The following POC1A variants were observed in gnomAD, a reference collection of about 807,000 sequenced individuals.
POC1A encodes the protein POC1 centriolar protein A, also known as POC1 centriolar protein homolog A.
A neutral mutation model predicts 47.8 loss-of-function variants in POC1A; 34 were observed. The observed-to-expected ratio is 0.71, with a 90% confidence interval of 0.54 to 0.95. The LOEUF (loss-of-function observed/expected upper bound fraction) is 0.95, where lower values mean the gene tolerates loss of function less well. POC1A is among the 40% of genes least tolerant of loss of function. The pLI is 0.00. For synonymous variants in POC1A, 177 were observed against 207.6 expected (o/e 0.85, Z 1.27); for missense variants, 466 against 528.3 (o/e 0.88, Z 1.16).
chr3:52,136,190 C>A (rs1365558017), intron 7 of POC1A, among the ~76,000 whole-genome samples: 5 of 152,114 alleles, frequency 3.3e-5, no homozygotes, highest in Non-Finnish European at 7.4e-5. Context: ...ACCCTTAAAA[C>A]TTGTGGTAAA....
intron 9 of POC1A, among the ~76,000 whole-genome samples, chr3:52,117,760 G>A (rs756737213): frequency 2.6e-5 from 4 of 151,860 alleles, no homozygotes; most frequent in East Asian, 1.9e-4. Context: ...CCCACCCAGC[G>A]CAACCTTTCT....
chr3:52,121,178 G>T (rs751556953), intron 9 of POC1A, among the ~76,000 whole-genome samples: 2 of 152,206 alleles, frequency 1.3e-5, no homozygotes, highest in Non-Finnish European at 2.9e-5. Flanking sequence ...AAAGGCCTTG[G>T]CTATGGCTCA....
chr3:52,145,969 G>C lies in POC1A; in HGVS notation c.564-8C>G, dbSNP rs778722284. ...TCCACATAGGTGACAAAGCTGGAAAGACAGGGGCCACTATGCACTATAGGA... is the reference window on the plus strand; with the variant it reads ...TCCACATAGGTGACAAAGCTGGAAACACAGGGGCCACTATGCACTATAGGA... On this transcript the variant is annotated splice_region_variant and splice_polypyrimidine_tract_variant and intron_variant, in intron 5 of 10. Transcript: ENST00000296484. 3 of 1,564,266 alleles carry C rather than the reference G, an allele frequency of 1.9e-6. No homozygotes were observed. The Admixed American group carries it at 5.0e-5, about 26-fold the overall frequency.
At chr3:52,145,316 G>A (rs1698327189) in intron 6 of POC1A, among the ~76,000 whole-genome samples, 1 of 152,202 alleles carries the variant, frequency 6.6e-6, no homozygotes, top group Non-Finnish European at 1.5e-5. Flanking sequence ...CTACCATCCT[G>A]GGCCTGGCCC....
rs1698471123 is a variant in POC1A, at chr3:52,149,230, G to A, written c.435C>T (p.Ile145=). ...QKFLFSLSQH[I]NWVRCAKFSP... is the part of the protein sequence containing the mutation. ...CTCACTTGGCACAGCGGACCCAGTT[G>A]ATATGCTGGCTCAGGGAGAACAGGA... Residue 145 remains isoleucine, a synonymous_variant, in exon 4 of 11, where the codon ATC becomes ATT. Transcript: ENST00000296484. 2 of 1,614,122 alleles carry A rather than the reference G, an allele frequency of 1.2e-6. No individual in the cohort carries two copies. The highest frequency in any genetic ancestry group is 1.7e-6 in the Non-Finnish European group (2 of 1,180,014).
intron 9 of POC1A, among the ~76,000 whole-genome samples, chr3:52,113,551 A>C (rs1331608592): frequency 6.6e-6 from 1 of 152,124 alleles, no homozygotes; most frequent in Non-Finnish European, 1.5e-5. Flanking sequence ...AAAAATACAA[A>C]AGTTCGCCGG....
Position 52,106,198 on chromosome 3 carries a change from A to G in POC1A, c.982-9486T>C, listed in dbSNP as rs993716965. Among the ~76,000 whole-genome samples the G allele has an allele frequency of 4.7e-4, 71 of 151,620 alleles. No homozygotes were observed. In the East Asian group the frequency reaches 7.2e-3, roughly 15 times the overall value. On this transcript the variant is annotated intron_variant, in intron 9 of 10. Coordinates refer to ENST00000296484, the MANE Select transcript of POC1A (RefSeq NM_015426.5). ...TACGTCTCAAAAAAAAAAAAAAAAA[A>G]AAAAGAAAGTTCAGAGACATGGGGC...
rs912941913 is a variant in POC1A at position 52,131,051 on chromosome 3, G to T, written c.814-5870C>A. Reference sequence around the variant, plus strand: ...GAGGGTGGCGGGGGCGCATGGCACCGTGTGCAGCTCAGTCACTCTACAGCG... The same window carrying T: ...GAGGGTGGCGGGGGCGCATGGCACCTTGTGCAGCTCAGTCACTCTACAGCG... On this transcript the variant is annotated intron_variant, in intron 7 of 10. Transcript: ENST00000296484. Among the ~76,000 whole-genome samples, 3 of 152,052 alleles carry T rather than the reference G, an allele frequency of 2.0e-5. No homozygotes were observed. In the East Asian group the frequency reaches 5.8e-4, roughly 29 times the overall value.
intron 10 of POC1A, among the ~76,000 whole-genome samples, chr3:52,093,011 C>T (rs1029893282): frequency 6.6e-6 from 1 of 152,148 alleles, no homozygotes; most frequent in Non-Finnish European, 1.5e-5. Context: ...GATAGCACTG[C>T]CCTTGCTCGC....
At chr3:52,097,179 A>C (rs770094258) in intron 9 of POC1A, among the ~76,000 whole-genome samples, 1 of 152,252 alleles carries the variant, frequency 6.6e-6, no homozygotes, top group Non-Finnish European at 1.5e-5. Context: ...GGGGTGTGCC[A>C]GGCTTCACAA....
intron 1 of POC1A, 173 bp from the exon 2 acceptor site, chr3:52,151,273 T>TAAAAAC: frequency 4.6e-6 from 4 of 868,310 alleles, no homozygotes; most frequent in Non-Finnish European, 6.5e-6. Flanking sequence ...CTAGGAATAG[T>TAAAAAC]TTTTACTATT....
chr3:52,145,602 C>T (rs1698336315), intron 6 of POC1A, among the ~76,000 whole-genome samples: 1 of 152,210 alleles, frequency 6.6e-6, no homozygotes, highest in African/African-American at 2.4e-5. Flanking sequence ...TCTGCCACTT[C>T]GGAGGTGAGC....
chr3:52,104,568 G>A lies in POC1A; in HGVS notation c.982-7856C>T, dbSNP rs537214573. Among the ~76,000 whole-genome samples the A allele has an allele frequency of 2.6e-3, 389 of 152,326 alleles. 2 individuals carry two copies. Among genetic ancestry groups the A allele is most frequent in the Admixed American group, 4.6e-3 (71 of 15,304 alleles). The stretch of plus-strand genomic sequence containing the variant: ...CCCATCACAGGACACAGTTGACACC[G>A]TCCATCACTGCCACTCTGCCCTCAA... On this transcript the variant is annotated intron_variant, in intron 9 of 10. Coordinates refer to ENST00000296484, the MANE Select transcript of POC1A (RefSeq NM_015426.5).
chr3:52,145,214 T>A (rs1240073641), intron 6 of POC1A, among the ~76,000 whole-genome samples: 1 of 152,184 alleles, frequency 6.6e-6, no homozygotes, highest in Non-Finnish European at 1.5e-5. Flanking sequence ...GAACTCATCC[T>A]GGGCATGTCT....
At chr3:52,108,783 G>A (rs1703276119) in intron 9 of POC1A, among the ~76,000 whole-genome samples, 1 of 152,176 alleles carries the variant, frequency 6.6e-6, no homozygotes, top group Non-Finnish European at 1.5e-5. Context: ...GTCCCATGGG[G>A]TCAAACAGCC....
At chr3:52,123,752 A>T (rs770207464) in intron 8 of POC1A, among the ~76,000 whole-genome samples, 11 of 152,226 alleles carry the variant, frequency 7.2e-5, no homozygotes, top group African/African-American at 1.4e-4. Flanking sequence ...CTCAGAGTAG[A>T]TATTAAACAG....
rs1703947030 is a variant in POC1A at position 52,125,134 on chromosome 3, A to G, written c.861T>C (p.Ala287=). 1.2e-6 allele frequency: 2 copies of G among 1,613,782 alleles called. 1 individual carries two copies. Among genetic ancestry groups the G allele is most frequent in the South Asian group, 2.2e-5 (2 of 91,074 alleles). The change falls in exon 8 of 11, where the codon GCT becomes GCC. Residue 287 remains alanine (A), a synonymous_variant. Transcript: ENST00000296484. ...VAFSRTGEYF[A]SGGSDEQVMV... is the part of the protein sequence containing the mutation. ...TTACTTGTTCATCAGAGCCTCCAGAAGCAAAATACTCCCCCGTTCTTGAAA... is the reference window on the plus strand; with the variant it reads ...TTACTTGTTCATCAGAGCCTCCAGAGGCAAAATACTCCCCCGTTCTTGAAA...
intron 6 of POC1A, among the ~76,000 whole-genome samples, chr3:52,144,813 T>A (rs1278292203): frequency 3.3e-5 from 5 of 152,182 alleles, no homozygotes; most frequent in African/African-American, 9.7e-5. Flanking sequence ...CTCACCTCTG[T>A]TACCCCAAAG....
At chr3:52,111,572 G>C (rs897276346) in intron 9 of POC1A, among the ~76,000 whole-genome samples, 2 of 150,004 alleles carry the variant, frequency 1.3e-5, no homozygotes, top group African/African-American at 2.5e-5. Context: ...TCTTGAACTG[G>C]AAGGAATAGG....
Sources: allele counts gnomAD v4.1 joint callset (sites outside exome capture counted in the v4.1 genomes callset), GRCh38; gene constraint gnomAD v4.1.1; transcripts MANE v1.5; gene names NCBI Gene and HGNC (gene_info 2026-07-23, HGNC 2026-07-21).